The following PPFIBP2 variants were observed in gnomAD, a reference collection of about 807,000 sequenced individuals.
The protein encoded by PPFIBP2 is PPFIB scaffold protein 2, also known as liprin-beta-2.
Under a neutral mutation model 118.3 loss-of-function variants are expected in PPFIBP2, and 118 were observed. The ratio of observed to expected loss-of-function variants is 1.00; its 90% CI spans 0.86 to 1.16. The LOEUF is 1.16. PPFIBP2 is among the 50% of genes most tolerant of loss of function. The pLI is 0.00. For synonymous variants in PPFIBP2, 414 were observed against 397.4 expected (o/e 1.04, Z -0.50); for missense variants, 1,195 against 1,073.1 (o/e 1.11, Z -1.59).
At position 7,642,316 on chromosome 11, in the gene PPFIBP2, A is replaced by G; in HGVS notation, c.1536A>G (p.Ser512=). Residue 512 remains serine, a synonymous_variant, in exon 17 of 24, where the codon TCA becomes TCG. Coordinates refer to ENST00000299492, the MANE Select transcript of PPFIBP2 (RefSeq NM_003621.5). ...CATGCAGAATCCGAAGAACTCAGTC[A>G]GGAAATTTCTACACTGACACGCTGG... ...KFWGKIRRTQ[S]GNFYTDTLGM... 3.1e-6 allele frequency: 5 copies of G among 1,614,146 alleles called. No individual in the cohort carries two copies. Among genetic ancestry groups the G allele is most frequent in the Non-Finnish European group, 4.2e-6 (5 of 1,180,012 alleles).
Position 7,625,861 on chromosome 11 carries a change from G to C in PPFIBP2, c.796G>C (p.Ala266Pro), listed in dbSNP as rs376341543. The C allele has an allele frequency of 5.5e-5, 88 of 1,614,122 alleles. No individual in the cohort carries two copies. The highest frequency in any genetic ancestry group is 7.1e-5 in the Non-Finnish European group (84 of 1,180,044). Residue 266 changes from alanine to proline, a missense_variant, in exon 8 of 24, where the codon GCT (alanine) becomes CCT (proline). Physicochemically the swap from Ala to Pro is conservative, Grantham distance 27 (BLOSUM62 -1). Coordinates refer to ENST00000299492, the MANE Select transcript of PPFIBP2 (RefSeq NM_003621.5). ...GCACAGCCAGCTCTCCCGGACAGCA[G>C]CTCTCCACAGTGAGAGTCACACAGA... is the stretch of plus-strand genomic sequence containing the variant. ...RLHSQLSRTA[A>P]LHSESHTERD...
chr11:7,614,266 G>C (rs57878313), intron 6 of PPFIBP2, among the ~76,000 whole-genome samples: 22,130 of 152,216 alleles, frequency 0.15, 2,224 homozygotes, highest in African/African-American at 0.28. Flanking sequence ...CAGTCAGGAA[G>C]CAGTGCCATC....
At chr11:7,533,993 A>G (rs892908767) in intron 1 of PPFIBP2, among the ~76,000 whole-genome samples, 2 of 152,252 alleles carry the variant, frequency 1.3e-5, no homozygotes, top group African/African-American at 4.8e-5. Flanking sequence ...GAAGTTGGCT[A>G]GAGGTAGAAA....
intron 5 of PPFIBP2, among the ~76,000 whole-genome samples, chr11:7,608,153 A>G (rs543164999): frequency 9.2e-5 from 14 of 152,210 alleles, no homozygotes; most frequent in Non-Finnish European, 1.9e-4. Flanking sequence ...GGGTCCTGAT[A>G]GGTAGTATGT....
In PPFIBP2 at chr11:7,628,287, C is replaced by G. The variant is rs150870942; in HGVS notation, c.829C>G (p.Gln277Glu). Residue 277 changes from glutamine to glutamate, a missense_variant and splice_region_variant, in exon 9 of 24, where the codon CAA becomes GAA. By Grantham distance (29) the Gln-to-Glu change is conservative. Coordinates refer to ENST00000299492, the MANE Select transcript of PPFIBP2 (RefSeq NM_003621.5). ...TTTCTATACCTGAATTCTTTTAGAC[C>G]AAGAAATTCAACGTCTGAAAATGGG... ...LHSESHTERD[Q>E]EIQRLKMGME... The G allele has an allele frequency of 4.0e-5, 65 of 1,612,918 alleles. No individual in the cohort carries two copies. In the African/African-American group the frequency reaches 6.3e-4, roughly 16 times the overall value.
intron 3 of PPFIBP2, among the ~76,000 whole-genome samples, chr11:7,587,625 C>T (rs560985130): frequency 5.9e-5 from 9 of 152,322 alleles, no homozygotes; most frequent in African/African-American, 9.6e-5. Flanking sequence ...CTTTTGTTTG[C>T]TTTTCTGTGC....
At chr11:7,661,515 G>C (rs985667569), downstream of PPFIBP2, among the ~76,000 whole-genome samples, 1 of 147,214 alleles carries the variant, frequency 6.8e-6, no homozygotes, top group Non-Finnish European at 1.5e-5. Context: ...CTGAGAGATA[G>C]TTTGTTATAA....
At chr11:7,528,596 A>T (rs1850419552) in intron 1 of PPFIBP2, among the ~76,000 whole-genome samples, 1 of 152,172 alleles carries the variant, frequency 6.6e-6, no homozygotes, top group African/African-American at 2.4e-5. Flanking sequence ...GAGGTTTGGA[A>T]GCGTGGGATG....
chr11:7,578,773 C>G (rs1856823501), intron 3 of PPFIBP2, among the ~76,000 whole-genome samples: 1 of 152,056 alleles, frequency 6.6e-6, no homozygotes. Context: ...ACTGAAAGAG[C>G]AGTAAGAATG....
chr11:7,621,112 C>G (rs1343735676), intron 7 of PPFIBP2, 85 bp downstream of exon 7: 9 of 1,081,770 alleles, frequency 8.3e-6, no homozygotes, highest in Non-Finnish European at 1.3e-5. Context: ...TTTCCAGTAG[C>G]CTAAGTTTGA....
intron 7 of PPFIBP2, 68 bp downstream of exon 7, chr11:7,621,095 T>G: frequency 7.8e-7 from 1 of 1,286,106 alleles, no homozygotes; most frequent in Non-Finnish European, 1.1e-6. Context: ...GCATTCCAAC[T>G]TGGGGGTTTC....
Position 7,586,354 on chromosome 11 carries a change from G to A in PPFIBP2, c.280-6778G>A, listed in dbSNP as rs542697554. ...TTCTAACTCATGCTTCTAACTGAAT[G>A]TTGGTCTTTTAGATTAAACAAAGCT... On this transcript the variant is annotated intron_variant, in intron 3 of 23. Coordinates refer to ENST00000299492, the MANE Select transcript of PPFIBP2 (RefSeq NM_003621.5). 6.8e-4 allele frequency among the ~76,000 whole-genome samples: 104 copies of A among 152,282 alleles called. 1 individual carries two copies. Among genetic ancestry groups the A allele is most frequent in the South Asian group, 3.5e-3 (17 of 4,824 alleles).
intron 1 of PPFIBP2, among the ~76,000 whole-genome samples, chr11:7,525,493 G>A (rs1272176960): frequency 1.3e-5 from 2 of 152,178 alleles, no homozygotes; most frequent in South Asian, 2.1e-4. Context: ...CATGCTCTGG[G>A]CTTCCAGGTA....
At chr11:7,554,819 TG>T (rs1853419992) in intron 2 of PPFIBP2, among the ~76,000 whole-genome samples, 2 of 150,938 alleles carry the variant, frequency 1.3e-5, no homozygotes, top group African/African-American at 4.9e-5. Context: ...TAGACTAGAT[TG>T]GGTCTATACT....
At chr11:7,596,936 C>CT (rs1309571290) in intron 4 of PPFIBP2, among the ~76,000 whole-genome samples, 2 of 152,212 alleles carry the variant, frequency 1.3e-5, no homozygotes, top group East Asian at 1.9e-4. Flanking sequence ...AGAAAGATGA[C>CT]TTTTTTTCTG....
intron 23 of PPFIBP2, among the ~76,000 whole-genome samples, chr11:7,652,622 T>C (rs1854211462): frequency 6.6e-6 from 1 of 152,208 alleles, no homozygotes; most frequent in African/African-American, 2.4e-5. Context: ...TACGCGCCTT[T>C]AGATGGTGCC....
At chr11:7,666,446 C>G in the PPFIBP2 span, 1 of 1,595,104 alleles carries the variant, frequency 6.3e-7, no homozygotes, top group Non-Finnish European at 8.6e-7. Context: ...CAATGGATGT[C>G]GTACCAATGG....
chr11:7,641,527 C>T lies in PPFIBP2; in HGVS notation c.1424C>T (p.Ser475Leu), dbSNP rs1479209580. 6.2e-7 allele frequency: 1 copy of T among 1,613,606 alleles called. No individual in the cohort carries two copies. Among genetic ancestry groups the T allele is most frequent in the Non-Finnish European group, 8.5e-7 (1 of 1,179,468 alleles). Residue 475 changes from serine (S) to leucine (L), a missense_variant, in exon 16 of 24, where the codon TCA (serine) becomes TTA (leucine). Coordinates refer to ENST00000299492, the MANE Select transcript of PPFIBP2 (RefSeq NM_003621.5). ...GACACTGCTGTGGTCAATGACCTCTCATCCACATCATCGGGCACTGAATCA... is the reference window on the plus strand; with the variant it reads ...GACACTGCTGTGGTCAATGACCTCTTATCCACATCATCGGGCACTGAATCA... ...WDDTAVVNDL[S>L]STSSGTESGP...
intron 5 of PPFIBP2, among the ~76,000 whole-genome samples, chr11:7,602,068 G>A (rs1344225118): frequency 7.0e-6 from 1 of 143,872 alleles, no homozygotes; most frequent in Admixed American, 7.0e-5. Flanking sequence ...ACTCCAGCCT[G>A]GGCAACAAGA....
Sources: gnomAD v4.1 joint callset for allele counts (sites outside exome capture counted in the v4.1 genomes callset) on GRCh38, gnomAD v4.1.1 for gene constraint, MANE v1.5 for transcripts, NCBI Gene and HGNC (gene_info 2026-07-23, HGNC 2026-07-21) for gene names.